ZNF362: variants seen among roughly 807,000 people sequenced by gnomAD.
The protein encoded by ZNF362 is rotund homolog.
A neutral mutation model predicts 42.9 loss-of-function variants in ZNF362; 11 were observed. The observed-to-expected ratio is 0.26, with a 90% CI of 0.16 to 0.42. The LOEUF (loss-of-function observed/expected upper bound fraction) is 0.42. Among genes scored for constraint, ZNF362 ranks in the 20% least tolerant of loss-of-function variants. ZNF362 has a pLI of 1.00. For synonymous variants in ZNF362, 255 were observed against 257.3 expected (o/e 0.99, Z 0.09); for missense variants, 362 against 576.2 (o/e 0.63, Z 3.81).
chr1:33,255,506 G>GT (rs199563626), upstream of ZNF362, among the ~76,000 whole-genome samples: 468 of 152,186 alleles, frequency 3.1e-3, 11 homozygotes, highest in Admixed American at 0.029. Flanking sequence ...AGGTAGAAGT[G>GT]TAAGTTTGGA....
the ZNF362 span, among the ~76,000 whole-genome samples, chr1:33,156,540 G>A: frequency 2.0e-5 from 3 of 152,152 alleles, no homozygotes; most frequent in South Asian, 2.1e-4. Flanking sequence ...GCTCCTTCTC[G>A]GTCTCCTTGG....
chr1:33,172,111 C>T, the ZNF362 span, among the ~76,000 whole-genome samples: 2 of 152,184 alleles, frequency 1.3e-5, no homozygotes, highest in Non-Finnish European at 2.9e-5. Flanking sequence ...CCTAACAGCA[C>T]CTGCTCCATA....
the ZNF362 span, among the ~76,000 whole-genome samples, chr1:33,174,978 TAC>T: frequency 2.8e-3 from 379 of 137,100 alleles, 5 homozygotes; most frequent in African/African-American, 9.8e-3. Context: ...TACACACATA[TAC>T]ATATATATGC....
Position 33,281,749 on chromosome 1 carries a change from C to T in ZNF362, c.846C>T (p.Pro282=). 1 of 1,614,264 alleles carries T rather than the reference C, an allele frequency of 6.2e-7. No individual in the cohort carries two copies. Among genetic ancestry groups the T allele is most frequent in the South Asian group, 1.1e-5 (1 of 91,090 alleles). Residue 282 remains proline, a synonymous_variant, in exon 6 of 9, where the codon CCC becomes CCT. Coordinates refer to ENST00000539719, the MANE Select transcript of ZNF362 (RefSeq NM_152493.3). The surrounding 1 kb of genome is among the most constrained non-coding windows in gnomAD (Gnocchi z 4.8). ...QHLRIHLGVK[P]YHCSYCDKSF... ...TGCGCATCCACCTGGGCGTCAAGCCCTACCACTGCTCCTACTGTGATAAGT... is the reference window on the plus strand; with the variant it reads ...TGCGCATCCACCTGGGCGTCAAGCCTTACCACTGCTCCTACTGTGATAAGT...
chr1:33,159,355 A>T, the ZNF362 span, among the ~76,000 whole-genome samples: 1 of 152,178 alleles, frequency 6.6e-6, no homozygotes, highest in African/African-American at 2.4e-5. The surrounding 1 kb of genome is among the most constrained non-coding windows in gnomAD (Gnocchi z 4.2). Context: ...AATATATTAC[A>T]TATATAATAA....
At position 33,271,668 on chromosome 1, in the gene ZNF362, G is replaced by C. The variant is rs1645905105; in HGVS notation, c.38+1056G>C. On this transcript the variant is annotated intron_variant, in intron 2 of 8. Transcript: ENST00000539719. ...ACTGGAATCCTGAGGACATGGCTGA[G>C]ATGGGTGTGAGGTGAGTGGGGAGGG... 2.0e-5 allele frequency among the ~76,000 whole-genome samples: 3 copies of C among 152,236 alleles called. No individual in the cohort carries two copies. In the South Asian group the frequency reaches 6.2e-4, roughly 31 times the overall value.
rs775841708 is a variant in ZNF362 at position 33,276,588 on chromosome 1, G to A, written c.343G>A (p.Val115Ile). ...ALHARPATSTVTGLGLSTRTP... is the reference protein window; with the variant it reads ...ALHARPATSTITGLGLSTRTP... ...GCACGCACGGCCGGCCACCAGCACC[G>A]TCACAGGTAGGCCGAGCGGGCGGGG... Residue 115 changes from valine (V) to isoleucine (I), a missense_variant, in exon 4 of 9, where the codon GTC becomes ATC. By Grantham distance (29) the Val-to-Ile change is conservative. This residue lies in a region of ZNF362 where 266 missense variants were observed against 365.4 expected (regional missense o/e 0.73). Coordinates refer to ENST00000539719, the MANE Select transcript of ZNF362 (RefSeq NM_152493.3). 34 of 1,361,302 alleles carry A rather than the reference G, an allele frequency of 2.5e-5. No individual in the cohort carries two copies. Among genetic ancestry groups the A allele is most frequent in the Admixed American group, 3.9e-5 (1 of 25,496 alleles). 84.3% of individuals were successfully genotyped at this position (1,361,302 alleles called of 1,614,324 possible). A position where few individuals can be genotyped will look rare whatever the true frequency, so the allele number is the denominator to read the frequency against.
chr1:33,286,951 C>T (rs1646037228), intron 6 of ZNF362, among the ~76,000 whole-genome samples: 1 of 152,132 alleles, frequency 6.6e-6, no homozygotes, highest in Non-Finnish European at 1.5e-5. Flanking sequence ...CAAGCAAGAT[C>T]CACCCTGGGA....
At position 33,256,582 on chromosome 1, in the gene ZNF362, C is replaced by T. The variant is rs1486637026; in HGVS notation, c.-161C>T. On this transcript the variant is annotated 5_prime_UTR_variant, in exon 1 of 9. Transcript: ENST00000539719. ...CGAGCCCGGAGCCTGTGCCGGAGCC[C>T]CAGCCCGGCCCTGCTCGGGCCGCCG... 3 of 147,144 alleles carry T rather than the reference C, an allele frequency of 2.0e-5. No individual in the cohort carries two copies. Among genetic ancestry groups the T allele is most frequent in the Admixed American group, 1.4e-4 (2 of 14,722 alleles). The allele number at this position is 147,144 out of a possible 1,614,324, so 9.1% of individuals were successfully genotyped here. A position where few individuals can be genotyped will look rare whatever the true frequency, so the allele number is the denominator to read the frequency against.
the ZNF362 span, among the ~76,000 whole-genome samples, chr1:33,140,239 G>T: frequency 1.3e-5 from 2 of 152,212 alleles, no homozygotes; most frequent in African/African-American, 4.8e-5. The surrounding 1 kb of genome is among the most constrained non-coding windows in gnomAD (Gnocchi z 4.0). Flanking sequence ...GCTGTCCAGG[G>T]TCATTGGTGA....
At chr1:33,128,203 CAAAA>C in the ZNF362 span, among the ~76,000 whole-genome samples, 1 of 83,702 alleles carries the variant, frequency 1.2e-5, no homozygotes. Flanking sequence ...CCCACCTCTC[CAAAA>C]AAAAAAAAAA....
At chr1:33,161,775 C>T in the ZNF362 span, among the ~76,000 whole-genome samples, 3 of 152,176 alleles carry the variant, frequency 2.0e-5, no homozygotes, top group Non-Finnish European at 2.9e-5. The surrounding 1 kb of genome is among the most constrained non-coding windows in gnomAD (Gnocchi z 4.3). Flanking sequence ...ACTCCTCTGG[C>T]TCCTCCTAGA....
chr1:33,207,795 T>A, the ZNF362 span, among the ~76,000 whole-genome samples: 3 of 152,106 alleles, frequency 2.0e-5, no homozygotes, highest in Non-Finnish European at 4.4e-5. Context: ...TTGATGGGGT[T>A]GTTTTTTTTC....
At position 33,298,927 on chromosome 1, in the gene ZNF362, C is replaced by T. The variant is rs767779865; in HGVS notation, c.1147-3C>T. 4 of 1,613,476 alleles carry T rather than the reference C, an allele frequency of 2.5e-6. No homozygotes were observed. The highest frequency in any genetic ancestry group is 3.4e-6 in the Non-Finnish European group (4 of 1,179,574). On this transcript the variant is annotated splice_polypyrimidine_tract_variant and splice_region_variant and intron_variant, in intron 8 of 8. Coordinates refer to ENST00000539719, the MANE Select transcript of ZNF362 (RefSeq NM_152493.3). ...CTGTTCTGAATCTCATCCCTGCCCACAGGAGACCTACCTGATGAAGCACAT... is the reference window on the plus strand; with the variant it reads ...CTGTTCTGAATCTCATCCCTGCCCATAGGAGACCTACCTGATGAAGCACAT...
At chr1:33,207,824 T>G in the ZNF362 span, among the ~76,000 whole-genome samples, 1 of 152,204 alleles carries the variant, frequency 6.6e-6, no homozygotes, top group Non-Finnish European at 1.5e-5. Flanking sequence ...TTGTTTAAGT[T>G]CTTTGTAGAT....
Position 33,295,128 on chromosome 1 carries a change from C to A in ZNF362, c.988-19C>A, listed in dbSNP as rs772444055. ...AGGGAGCCCTGTTCCTCTCCTGACC[C>A]CCTGCTGTGCCCCTACAGTCTCACC... On this transcript the variant is annotated intron_variant, in intron 7 of 8. Transcript: ENST00000539719. 6.2e-7 allele frequency: 1 copy of A among 1,613,720 alleles called. No individual in the cohort carries two copies. The highest frequency in any genetic ancestry group is 8.5e-7 in the Non-Finnish European group (1 of 1,179,744).
At chr1:33,243,123 G>GTTATA in the ZNF362 span, among the ~76,000 whole-genome samples, 4 of 147,936 alleles carry the variant, frequency 2.7e-5, no homozygotes, top group Non-Finnish European at 6.0e-5. Flanking sequence ...GTTATGTTAT[G>GTTATA]TTATGTTATG....
chr1:33,280,935 G>GGT lies in ZNF362; in HGVS notation c.683+480_683+481dup, dbSNP rs1444976256. On this transcript the variant is annotated intron_variant, in intron 5 of 8. Transcript: ENST00000539719. The surrounding 1 kb of genome is among the most constrained non-coding windows in gnomAD (Gnocchi z 5.6). ...AATACAAAAGTTAGCCGGGCATGGT[G>GGT]GTGCGCCCCTGTAATCCTAGCTACT... is the stretch of plus-strand genomic sequence containing the variant. Among the ~76,000 whole-genome samples, 1 of 152,156 alleles carries GGT rather than the reference G, an allele frequency of 6.6e-6. No individual in the cohort carries two copies.
the ZNF362 span, among the ~76,000 whole-genome samples, chr1:33,230,214 T>C: frequency 6.6e-6 from 1 of 152,302 alleles, no homozygotes; most frequent in Admixed American, 6.5e-5. Context: ...ATGGTGTTAA[T>C]ACCCACCTCA....
Sources: allele counts gnomAD v4.1 joint callset (sites outside exome capture counted in the v4.1 genomes callset), GRCh38; gene constraint gnomAD v4.1.1; regional missense constraint gnomAD v4.1.1; non-coding constraint Gnocchi (gnomAD v3.1); transcripts MANE v1.5; gene names NCBI Gene and HGNC (gene_info 2026-07-23, HGNC 2026-07-21).